FBN3: variants seen among roughly 807,000 people sequenced by gnomAD.
The protein encoded by FBN3 is fibrillin-3.
FBN3 carries 234 observed loss-of-function variants against 330.1 expected under a neutral mutation model. The observed-to-expected ratio is 0.71, with a 90% CI of 0.64 to 0.79. The LOEUF (loss-of-function observed/expected upper bound fraction) is 0.79. Ranked by LOEUF, FBN3 falls within the 30% of genes least tolerant of loss-of-function variation. FBN3 has a pLI of 0.00. For missense variants in FBN3, 3,606 were observed against 3,886.9 expected, an observed-to-expected ratio of 0.93 and a Z score of 1.92; for synonymous variants, 1,458 against 1,517.3, an observed-to-expected ratio of 0.96 and a Z score of 0.91.
chr19:8,115,283 G>A (rs2082680806), intron 30 of FBN3, among the ~76,000 whole-genome samples: 1 of 152,196 alleles, frequency 6.6e-6, no homozygotes, highest in South Asian at 2.1e-4. Context: ...AGGGATTCAC[G>A]TTTCAGAAAT....
intron 53 of FBN3, 57 bp from the exon 54 acceptor site, chr19:8,087,268 G>A: frequency 2.7e-6 from 4 of 1,497,638 alleles, no homozygotes; most frequent in Non-Finnish European, 3.5e-6. Flanking sequence ...TGGCTGTGGG[G>A]ACCTGGATTC....
At chr19:8,108,385 C>T (rs1320137134) in intron 36 of FBN3, 147 bp from the exon 37 acceptor site, 10 of 619,524 alleles carry the variant, frequency 1.6e-5, no homozygotes, top group Non-Finnish European at 2.8e-5. Flanking sequence ...ATCTCTTTAG[C>T]CTCTTGGGGC....
At chr19:8,072,865 T>G (rs2081548023) in intron 62 of FBN3, among the ~76,000 whole-genome samples, 198 bp downstream of exon 62, 1 of 152,132 alleles carries the variant, frequency 6.6e-6, no homozygotes, top group Non-Finnish European at 1.5e-5. Flanking sequence ...CAGGTGCCAC[T>G]GTACCTCTGC....
In FBN3 at chr19:8,129,192, C is replaced by T. The variant is rs762931938; in HGVS notation, c.2171-39G>A. On this transcript the variant is annotated intron_variant, in intron 17 of 63. Transcript: ENST00000600128. The surrounding 1 kb of genome is among the most constrained non-coding windows in gnomAD (Gnocchi z 4.5). ...GTGGGAGAGAGGGGTGAGGGGTCTGCAGTGGGAGAGGCTGCCCACACATCC... is the reference window on the plus strand; with the variant it reads ...GTGGGAGAGAGGGGTGAGGGGTCTGTAGTGGGAGAGGCTGCCCACACATCC... 1 of 1,612,026 alleles carries T rather than the reference C, an allele frequency of 6.2e-7. No homozygotes were observed. The highest frequency in any genetic ancestry group is 8.5e-7 in the Non-Finnish European group (1 of 1,179,018).
In FBN3 at chr19:8,136,324, C is replaced by G. The variant is rs370169469; in HGVS notation, c.1346-15G>C. 7.6e-5 allele frequency: 122 copies of G among 1,602,444 alleles called. No homozygotes were observed. The Admixed American group carries it at 1.7e-3, about 22-fold the overall frequency. ...TTCGTCTACATCTGAGGGGAGAGGA[C>G]CCTGAGCCCTAGCACGAGCAGGGCA... On this transcript the variant is annotated splice_polypyrimidine_tract_variant and intron_variant, in intron 11 of 63. Transcript: ENST00000600128.
At position 8,149,140 on chromosome 19, in the gene FBN3, G is replaced by A. The variant is rs2083618661; in HGVS notation, c.-18+309C>T. Among the ~76,000 whole-genome samples the A allele has an allele frequency of 6.6e-6, 1 of 151,754 alleles. No homozygotes were observed. Among genetic ancestry groups the A allele is most frequent in the Non-Finnish European group, 1.5e-5 (1 of 67,880 alleles). On this transcript the variant is annotated intron_variant, in intron 1 of 63. Coordinates refer to ENST00000600128, the MANE Select transcript of FBN3 (RefSeq NM_032447.5). The surrounding 1 kb of genome is among the most constrained non-coding windows in gnomAD (Gnocchi z 5.5). ...TCGCCGACGGGGAGGGGGCGCCCCCGGAGCCCGCGGGGCGCGATCTCCACC... is the reference window on the plus strand; with the variant it reads ...TCGCCGACGGGGAGGGGGCGCCCCCAGAGCCCGCGGGGCGCGATCTCCACC...
At chr19:8,132,833 C>G in intron 14 of FBN3, 151 bp downstream of exon 14, 8 of 885,920 alleles carry the variant, frequency 9.0e-6, no homozygotes, top group Non-Finnish European at 1.1e-5. Context: ...CTCCCCTTTT[C>G]CCTCCTCCTC....
chr19:8,099,394 C>A (rs11666455), intron 41 of FBN3, among the ~76,000 whole-genome samples: 68,522 of 149,306 alleles, frequency 0.46, 17,816 homozygotes, highest in Middle Eastern at 0.66. Flanking sequence ...CATTCTCCTG[C>A]CTCAGCCTCC....
chr19:8,142,124 T>C lies in FBN3; in HGVS notation c.555A>G (p.Gly185=), dbSNP rs769039674. The change falls in exon 7 of 64, where the codon GGA becomes GGG. Residue 185 remains glycine, a synonymous_variant. Transcript: ENST00000600128. ...CGGGGCCTACTTGGCCAAAGCAGGG[T>C]CCCGTCCGGTAATCTGCAGGGCAGA... ...GPQCERDYRT[G]PCFGQVGPEG... is the part of the protein sequence containing the mutation. The C allele has an allele frequency of 4.3e-6, 7 of 1,609,568 alleles. No individual in the cohort carries two copies. In the East Asian group the frequency reaches 1.1e-4, roughly 26 times the overall value.
intron 63 of FBN3, 48 bp downstream of exon 63, chr19:8,072,000 A>G: frequency 1.3e-6 from 2 of 1,567,894 alleles, no homozygotes; most frequent in Non-Finnish European, 1.7e-6. Context: ...TCTTTCCCAC[A>G]CTCACCCATT....
intron 25 of FBN3, among the ~76,000 whole-genome samples, chr19:8,119,548 C>CT (rs2082788916): frequency 6.6e-6 from 1 of 152,260 alleles, no homozygotes; most frequent in Admixed American, 6.5e-5. Context: ...GAGTCTCGCT[C>CT]TGTTGCCCAA....
rs2145075139 is a variant in FBN3, at chr19:8,147,180, A to G, written c.174T>C (p.Asn58=). The change falls in exon 3 of 64, where the codon AAT becomes AAC. Residue 58 remains asparagine, a synonymous_variant. Transcript: ENST00000600128. ...AGGCATGGAACCGGGAGCCGCACACATTCGGCCTTCGGGGACAGCGAGATG... is the reference window on the plus strand; with the variant it reads ...AGGCATGGAACCGGGAGCCGCACACGTTCGGCCTTCGGGGACAGCGAGATG... The part of the protein sequence containing the change: ...RGSPGILQGP[N]VCGSRFHAYC... The G allele has an allele frequency of 1.3e-6, 2 of 1,568,396 alleles. No individual in the cohort carries two copies. Among genetic ancestry groups the G allele is most frequent in the East Asian group, 2.4e-5 (1 of 42,418 alleles).
rs559764348 is a variant in FBN3 at position 8,074,988 on chromosome 19, CT to C, written c.7702+82del. On this transcript the variant is annotated intron_variant, in intron 61 of 63. Transcript: ENST00000600128. ...TAGATAATTGTGCTTGTCACATCAT[CT>C]TGCAGGGTGGCGTCTGTTAGTCGCC... is the stretch of plus-strand genomic sequence containing the variant. 65 of 1,512,008 alleles carry C rather than the reference CT, an allele frequency of 4.3e-5. 3 individuals are homozygous for C. The South Asian group carries it at 7.6e-4, about 18-fold the overall frequency. 93.7% of individuals were successfully genotyped at this position (1,512,008 alleles called of 1,614,324 possible).
intron 56 of FBN3, 104 bp downstream of exon 56, chr19:8,085,257 AGT>A (rs2081912176): frequency 1.2e-6 from 1 of 864,106 alleles, no homozygotes; most frequent in Non-Finnish European, 1.8e-6. Context: ...ACACACACAC[AGT>A]GTGGCTCACA....
chr19:8,101,066 C>T, intron 40 of FBN3, 94 bp from the exon 41 acceptor site: 2 of 974,656 alleles, frequency 2.1e-6, no homozygotes, highest in Non-Finnish European at 3.1e-6. Context: ...TGGAGCCCAG[C>T]CCTCACCTGG....
chr19:8,112,086 G>T lies in FBN3; in HGVS notation c.3852C>A (p.Cys1284Ter). The T allele has an allele frequency of 1.9e-6, 3 of 1,613,076 alleles. No individual in the cohort carries two copies. The highest frequency in any genetic ancestry group is 2.5e-6 in the Non-Finnish European group (3 of 1,179,594). The change falls in exon 31 of 64, where the codon TGC becomes TGA. Residue 1284 changes from cysteine (C) to a stop codon, truncating the protein, a stop_gained. Transcript: ENST00000600128. LOFTEE classifies it high-confidence loss of function. ...TGTCACAGTTGTGTCCTCCAACCTC[G>T]CATTCATCCACATCTAAAGGGAGAG... ...GATGCSDVDE[C>*]EVGGHNCDSH...
intron 29 of FBN3, among the ~76,000 whole-genome samples, chr19:8,116,181 G>A (rs1442354571): frequency 6.6e-6 from 1 of 152,166 alleles, no homozygotes; most frequent in Non-Finnish European, 1.5e-5. Context: ...TCTGGCCTCA[G>A]CTTTGTCCTG....
rs1316020771 is a variant in FBN3 at position 8,131,012 on chromosome 19, T to C, written c.2044+223A>G. 3.3e-5 allele frequency among the ~76,000 whole-genome samples: 5 copies of C among 151,930 alleles called. No homozygotes were observed. Among genetic ancestry groups the C allele is most frequent in the African/African-American group, 1.2e-4 (5 of 41,366 alleles). ...AGCTGGAGAGAGGTCCGGGACAGAT[T>C]CTCCCTCAAAGCCTCCAAGGGAACC... On this transcript the variant is annotated intron_variant, in intron 16 of 63. Transcript: ENST00000600128. The surrounding 1 kb of genome is among the most constrained non-coding windows in gnomAD (Gnocchi z 4.5).
Position 8,094,550 on chromosome 19 carries a change from A to C in FBN3, c.5801T>G (p.Leu1934Arg). The C allele has an allele frequency of 6.2e-7, 1 of 1,613,744 alleles. No individual in the cohort carries two copies. The highest frequency in any genetic ancestry group is 8.5e-7 in the Non-Finnish European group (1 of 1,179,780). ...GKNCVDTNECLSLAGTCLPGT... is the reference protein window; with the variant it reads ...GKNCVDTNECRSLAGTCLPGT... The stretch of plus-strand genomic sequence containing the variant: ...GGGTAGGCAGGTTCCTGCAAGGCTG[A>C]GGCACTCATTGGTGTCTGTGAAAAG... Residue 1934 changes from leucine (L) to arginine (R), a missense_variant, in exon 47 of 64, where the codon CTC becomes CGC. By Grantham distance (102) the Leu-to-Arg change is moderately radical. Transcript: ENST00000600128.
Sources: gnomAD v4.1 joint callset for allele counts (sites outside exome capture counted in the v4.1 genomes callset) on GRCh38, gnomAD v4.1.1 for gene constraint, Gnocchi (gnomAD v3.1) non-coding constraint, MANE v1.5 for transcripts, NCBI Gene and HGNC (gene_info 2026-07-23, HGNC 2026-07-21) for gene names.